Variants in PRKG1 observed in about 807,000 individuals in gnomAD.
The protein encoded by PRKG1 is protein kinase cGMP-dependent 1.
Under a neutral mutation model 88.1 loss-of-function variants are expected in PRKG1, and 35 were observed. The observed-to-expected ratio is 0.40, with a 90% confidence interval of 0.30 to 0.53. PRKG1 has a LOEUF of 0.53. Among genes scored for constraint, PRKG1 ranks in the 20% least tolerant of loss-of-function variants. The probability of loss-of-function intolerance (pLI) is 0.59; values close to 1 mark genes in which losing one functional copy is unlikely to be tolerated. For synonymous variants in PRKG1, 303 were observed against 292.5 expected, an observed-to-expected ratio of 1.04 and a Z score of -0.37; for missense variants, 540 against 839.8, an observed-to-expected ratio of 0.64 and a Z score of 4.41.
intron 3 of PRKG1, among the ~76,000 whole-genome samples, chr10:51,752,131 C>T (rs1418219110): frequency 2.0e-5 from 3 of 151,844 alleles, no homozygotes; most frequent in Admixed American, 2.0e-4. Context: ...TCATTTGCCC[C>T]CTTTCCATCA....
upstream of PRKG1, chr10:51,074,406 A>G: frequency 1.4e-6 from 2 of 1,425,262 alleles, no homozygotes; most frequent in Non-Finnish European, 1.9e-6. Context: ...ATCTGCACTG[A>G]AACTCTGGGT....
At chr10:51,778,225 A>C (rs1235403637) in intron 3 of PRKG1, among the ~76,000 whole-genome samples, 1 of 152,154 alleles carries the variant, frequency 6.6e-6, no homozygotes, top group Non-Finnish European at 1.5e-5. Flanking sequence ...AGGATATAGG[A>C]GTTAACACCA....
chr10:52,177,809 G>A (rs1482509289), intron 9 of PRKG1, among the ~76,000 whole-genome samples: 1 of 151,314 alleles, frequency 6.6e-6, no homozygotes, highest in Non-Finnish European at 1.5e-5. Context: ...ACCCCCTTAT[G>A]ATCCTTTGTA....
At chr10:52,204,404 A>T (rs1589697883) in intron 9 of PRKG1, among the ~76,000 whole-genome samples, 1 of 109,090 alleles carries the variant, frequency 9.2e-6, no homozygotes, top group South Asian at 3.7e-4. Flanking sequence ...GTTGTTATGC[A>T]GACTTGATTT....
At chr10:51,288,372 A>T (rs1840497769) in intron 2 of PRKG1, among the ~76,000 whole-genome samples, 1 of 152,170 alleles carries the variant, frequency 6.6e-6, no homozygotes, top group African/African-American at 2.4e-5. Context: ...CTGCAGTAAA[A>T]TGTAAAGAAA....
chr10:52,002,174 A>G (rs539499404), intron 5 of PRKG1, among the ~76,000 whole-genome samples: 19 of 152,252 alleles, frequency 1.2e-4, no homozygotes, highest in Non-Finnish European at 2.8e-4. Flanking sequence ...TTACTTGGCA[A>G]AAGACAAGCT....
intron 3 of PRKG1, among the ~76,000 whole-genome samples, chr10:51,638,592 TTGAC>T (rs1352591165): frequency 1.3e-5 from 2 of 152,232 alleles, no homozygotes; most frequent in Admixed American, 6.5e-5. Flanking sequence ...TTCATGTACT[TTGAC>T]TGCCGTCTTC....
At chr10:51,678,725 T>G (rs542762104) in intron 3 of PRKG1, among the ~76,000 whole-genome samples, 1 of 152,214 alleles carries the variant, frequency 6.6e-6, no homozygotes, top group Non-Finnish European at 1.5e-5. Context: ...CATAGTTAAA[T>G]GTCTTATTTG....
intron 2 of PRKG1, among the ~76,000 whole-genome samples, chr10:51,213,416 T>C (rs1838285960): frequency 6.6e-6 from 1 of 152,178 alleles, no homozygotes; most frequent in African/African-American, 2.4e-5. Context: ...TGTATACATA[T>C]GTAACAAACC....
intron 2 of PRKG1, among the ~76,000 whole-genome samples, chr10:51,440,746 T>C (rs1018049760): frequency 1.3e-5 from 2 of 151,936 alleles, no homozygotes; most frequent in African/African-American, 4.8e-5. Flanking sequence ...GCTTCCGCCA[T>C]GGTGAAATGC....
chr10:51,829,650 C>T (rs192706471), intron 4 of PRKG1, among the ~76,000 whole-genome samples: 21 of 152,238 alleles, frequency 1.4e-4, no homozygotes, highest in Admixed American at 1.3e-3. Flanking sequence ...ACTATGACAT[C>T]TTATTTTCTA....
intron 8 of PRKG1, among the ~76,000 whole-genome samples, chr10:52,154,789 A>G (rs1412622777): frequency 6.6e-6 from 1 of 151,630 alleles, no homozygotes; most frequent in African/African-American, 2.4e-5. Context: ...TTTATCTCCC[A>G]CCCCACTTCC....
intron 4 of PRKG1, among the ~76,000 whole-genome samples, chr10:51,891,594 G>A (rs553105206): frequency 6.6e-6 from 1 of 152,258 alleles, no homozygotes; most frequent in South Asian, 2.1e-4. Flanking sequence ...TTAAGCTGAA[G>A]GAATTGGACA....
intron 6 of PRKG1, among the ~76,000 whole-genome samples, chr10:52,060,570 T>G (rs1297085866): frequency 2.0e-5 from 3 of 151,706 alleles, no homozygotes; most frequent in African/African-American, 4.8e-5. Context: ...AATAAGATGA[T>G]AAAATCTCCC....
At chr10:51,593,363 T>G (rs976308393) in intron 3 of PRKG1, among the ~76,000 whole-genome samples, 3 of 152,146 alleles carry the variant, frequency 2.0e-5, no homozygotes, top group Non-Finnish European at 1.5e-5. Context: ...ACTAACTGAT[T>G]GTTGGTTATT....
At chr10:51,286,607 ATAATTG>A (rs1241102409) in intron 2 of PRKG1, among the ~76,000 whole-genome samples, 2 of 152,206 alleles carry the variant, frequency 1.3e-5, no homozygotes, top group Non-Finnish European at 2.9e-5. Flanking sequence ...TACAGTTATT[ATAATTG>A]TACTTATTTA....
intron 3 of PRKG1, among the ~76,000 whole-genome samples, chr10:51,490,720 A>T (rs1300433725): frequency 6.6e-6 from 1 of 152,100 alleles, no homozygotes. Context: ...ATGTTAATAC[A>T]GGTGCAGAGA....
chr10:52,019,751 C>G (rs1845134901), intron 5 of PRKG1, among the ~76,000 whole-genome samples: 2 of 152,182 alleles, frequency 1.3e-5, no homozygotes, highest in African/African-American at 4.8e-5. Flanking sequence ...ATGGGTTTAA[C>G]TTCCTCAGAT....
chr10:51,286,597 T>C (rs1161550322), intron 2 of PRKG1, among the ~76,000 whole-genome samples: 3 of 152,216 alleles, frequency 2.0e-5, no homozygotes, highest in Admixed American at 1.3e-4. Context: ...AACTGACATA[T>C]ACAGTTATTA....
Sources: allele counts gnomAD v4.1 joint callset (sites outside exome capture counted in the v4.1 genomes callset), GRCh38; gene constraint gnomAD v4.1.1; transcripts MANE v1.5; gene names NCBI Gene and HGNC (gene_info 2026-07-23, HGNC 2026-07-21).